ZNF141: variants seen among roughly 807,000 people sequenced by gnomAD.
ZNF141 encodes the protein zinc finger protein 141 (clone pHZ-44).
Under a neutral mutation model 11.3 loss-of-function variants are expected in ZNF141, and 7 were observed. The observed-to-expected ratio is 0.62, with a 90% CI of 0.35 to 1.16. The LOEUF is 1.16. ZNF141 is among the 50% of genes most tolerant of loss of function. The pLI is 0.02. For synonymous variants in ZNF141, 183 were observed against 190.7 expected, an observed-to-expected ratio of 0.96 and a Z score of 0.33; for missense variants, 535 against 554.0, an observed-to-expected ratio of 0.97 and a Z score of 0.34.
chr4:364,880 G>A (rs573246049), intron 3 of ZNF141, among the ~76,000 whole-genome samples: 3 of 151,210 alleles, frequency 2.0e-5, no homozygotes, highest in Non-Finnish European at 2.9e-5. Context: ...CATACAGGAC[G>A]ATTAAATCTG....
chr4:344,499 T>G, intron 3 of ZNF141, 69 bp downstream of exon 3: 1 of 1,418,844 alleles, frequency 7.0e-7, no homozygotes, highest in African/African-American at 1.4e-5. Context: ...AGCCAGGCCT[T>G]AAAATGTGGT....
In ZNF141 at chr4:373,914, AC is replaced by A; in HGVS notation, c.*54del. On this transcript the variant is annotated 3_prime_UTR_variant, in exon 4 of 4. Transcript: ENST00000240499. ...TGGCAAACCTTTGGATGATCCACAA[AC>A]CTTAATGAACATGAGAAAATTTATA... The A allele has an allele frequency of 6.9e-7, 1 of 1,458,132 alleles. No homozygotes were observed. 90.3% of individuals were successfully genotyped at this position (1,458,132 alleles called of 1,614,324 possible).
At position 382,208 on chromosome 4, in the gene ZNF141, AG is replaced by A. The variant is rs1250812119; in HGVS notation, c.*8347del. 6.6e-6 allele frequency among the ~76,000 whole-genome samples: 1 copy of A among 152,040 alleles called. No homozygotes were observed. The highest frequency in any genetic ancestry group is 6.5e-5 in the Admixed American group (1 of 15,272). ...TGATCCGCCTGCCTCAGCCTACCAA[AG>A]TGCTGGGATTACAGGCATGAGCCAC... is the stretch of plus-strand genomic sequence containing the variant. On this transcript the variant is annotated 3_prime_UTR_variant, in exon 4 of 4. Transcript: ENST00000240499.
At chr4:356,225 C>T (rs1317331647) in intron 3 of ZNF141, among the ~76,000 whole-genome samples, 3 of 124,032 alleles carry the variant, frequency 2.4e-5, no homozygotes, top group Non-Finnish European at 5.0e-5. Flanking sequence ...AGCAAGGCTC[C>T]GTCTCAAAAA....
Position 344,322 on chromosome 4 carries a change from T to A in ZNF141, c.131-13T>A, listed in dbSNP as rs200179613. Reference sequence around the variant, plus strand: ...TCAATAGTCATGTTATTATTTTTTTTAAAATAAAACAGGTGTTGCTATCTC... The same window carrying A: ...TCAATAGTCATGTTATTATTTTTTTAAAAATAAAACAGGTGTTGCTATCTC... On this transcript the variant is annotated splice_polypyrimidine_tract_variant and intron_variant, in intron 2 of 3. Coordinates refer to ENST00000240499, the MANE Select transcript of ZNF141 (RefSeq NM_003441.4). 3.0e-5 allele frequency: 48 copies of A among 1,598,736 alleles called. No homozygotes were observed. The highest frequency in any genetic ancestry group is 1.2e-4 in the Admixed American group (7 of 59,646).
In ZNF141 at chr4:372,837, A is replaced by G; in HGVS notation, c.400A>G (p.Asn134Asp). ...KLQKGGYNEF[N>D]ECLSTTQSKI... ...GCAGAAAGGAGGTTATAATGAATTT[A>G]ATGAATGCTTGTCAACTACCCAGAG... is the stretch of plus-strand genomic sequence containing the variant. Residue 134 changes from asparagine (N) to aspartate (D), a missense_variant, in exon 4 of 4, where the codon AAT (asparagine) becomes GAT (aspartate). Physicochemically the swap from Asn to Asp is conservative, Grantham distance 23 (BLOSUM62 1). Transcript: ENST00000240499. 6.2e-7 allele frequency: 1 copy of G among 1,613,106 alleles called. No individual in the cohort carries two copies. Among genetic ancestry groups the G allele is most frequent in the East Asian group, 2.2e-5 (1 of 44,840 alleles).
intron 3 of ZNF141, among the ~76,000 whole-genome samples, chr4:365,228 C>T (rs2108718098): frequency 6.6e-6 from 1 of 152,358 alleles, no homozygotes; most frequent in South Asian, 2.1e-4. Context: ...TTTCCAGATA[C>T]AGTCTGTCAC....
In ZNF141 at chr4:375,126, A is replaced by G. The variant is rs1006567560; in HGVS notation, c.*1264A>G. The G allele has an allele frequency of 2.0e-5, 3 of 152,130 alleles. No homozygotes were observed. Among genetic ancestry groups the G allele is most frequent in the Non-Finnish European group, 4.4e-5 (3 of 67,976 alleles). The allele number at this position is 152,130 out of a possible 1,614,324, so 9.4% of individuals were successfully genotyped here. ...GAAATATAAAAAATATAGAAAAGTC[A>G]TATCTCCTCACATTTTACTAACTAG... On this transcript the variant is annotated 3_prime_UTR_variant, in exon 4 of 4. Coordinates refer to ENST00000240499, the MANE Select transcript of ZNF141 (RefSeq NM_003441.4).
In ZNF141 at chr4:372,779, AAAAGGCTGT is replaced by A. The variant is rs781815013; in HGVS notation, c.346_354del (p.Gly116_Lys118del). On this transcript the variant is annotated inframe_deletion, in exon 4 of 4. Transcript: ENST00000240499. ...GTGGACATGATAATTTACAATTAAG[AAAAGGCTGT>A]AAAAGTTTGAATGAGTGTAAGTTGC... 1.8e-4 allele frequency: 285 copies of A among 1,613,748 alleles called. 1 individual carries two copies. Among genetic ancestry groups the A allele is most frequent in the Non-Finnish European group, 2.4e-4 (278 of 1,179,878 alleles).
Position 373,446 on chromosome 4 carries a change from A to C in ZNF141, c.1009A>C (p.Lys337Gln). The change falls in exon 4 of 4, where the codon AAA becomes CAA. Residue 337 changes from lysine to glutamine, a missense_variant. Transcript: ENST00000240499. ...TKHKRIHTGE[K>Q]PYTCEECGKA... is the part of the protein sequence containing the mutation. ...ACATAAGAGAATTCATACTGGAGAGAAACCCTACACATGTGAAGAATGTGG... is the reference window on the plus strand; with the variant it reads ...ACATAAGAGAATTCATACTGGAGAGCAACCCTACACATGTGAAGAATGTGG... 1.2e-6 allele frequency: 2 copies of C among 1,614,158 alleles called. No individual in the cohort carries two copies. The highest frequency in any genetic ancestry group is 1.7e-6 in the Non-Finnish European group (2 of 1,180,026).
chr4:373,694 A>G lies in ZNF141; in HGVS notation c.1257A>G (p.Ala419=), dbSNP rs1553854102. Residue 419 remains alanine (A), a synonymous_variant, in exon 4 of 4, where the codon GCA becomes GCG. Coordinates refer to ENST00000240499, the MANE Select transcript of ZNF141 (RefSeq NM_003441.4). ...GTCAACATAAGAAAATTCATAGTGC[A>G]GATAAACCCTACAAATGTAAAGAAT... ...DRSQHKKIHS[A]DKPYKCKECD... is the part of the protein sequence containing the mutation. 1 of 1,614,170 alleles carries G rather than the reference A, an allele frequency of 6.2e-7. No homozygotes were observed. Among genetic ancestry groups the G allele is most frequent in the East Asian group, 2.2e-5 (1 of 44,880 alleles).
rs782777606 is a variant in ZNF141, at chr4:373,302, A to G, written c.865A>G (p.Arg289Gly). ...GEKPITCEEC[R>G]KIFTSSSNFA... is the part of the protein sequence containing the mutation. Reference sequence around the variant, plus strand: ...GAAACCCATCACATGTGAAGAATGTAGGAAAATCTTTACCTCATCCTCAAA... The same window carrying G: ...GAAACCCATCACATGTGAAGAATGTGGGAAAATCTTTACCTCATCCTCAAA... The change falls in exon 4 of 4, where the codon AGG (arginine) becomes GGG (glycine). Residue 289 changes from arginine (R) to glycine (G), a missense_variant. Physicochemically the swap from Arg to Gly is moderately radical, Grantham distance 125. Transcript: ENST00000240499. The G allele has an allele frequency of 4.3e-6, 7 of 1,613,100 alleles. No homozygotes were observed. The highest frequency in any genetic ancestry group is 1.1e-5 in the South Asian group (1 of 91,044).
rs1712500966 is a variant in ZNF141, at chr4:379,094, C to T, written c.*5232C>T. On this transcript the variant is annotated 3_prime_UTR_variant, in exon 4 of 4. Transcript: ENST00000240499. ...TCCTGTCCTCGTGATCCACGCACGT[C>T]AGCCTCCCAAAGTGCTGGGATTACC... Among the ~76,000 whole-genome samples the T allele has an allele frequency of 6.6e-6, 1 of 151,966 alleles. No individual in the cohort carries two copies. Among genetic ancestry groups the T allele is most frequent in the Non-Finnish European group, 1.5e-5 (1 of 67,978 alleles).
chr4:338,765 G>T (rs1432136218), intron 1 of ZNF141, among the ~76,000 whole-genome samples: 3 of 152,218 alleles, frequency 2.0e-5, no homozygotes, highest in African/African-American at 7.2e-5. Flanking sequence ...TGTGGGGTCT[G>T]TGCTGACTCC....
At position 381,946 on chromosome 4, in the gene ZNF141, C is replaced by CTTT. The variant is rs34905613; in HGVS notation, c.*8101_*8103dup. On this transcript the variant is annotated 3_prime_UTR_variant, in exon 4 of 4. Transcript: ENST00000240499. ...CTAGGGCCACCACCATCTCTGGGAACTTTTTTTTTTTTTTTTTTTGAGACG... is the reference window on the plus strand; with the variant it reads ...CTAGGGCCACCACCATCTCTGGGAACTTTTTTTTTTTTTTTTTTTTTTGAGACG... 7.0e-3 allele frequency among the ~76,000 whole-genome samples: 745 copies of CTTT among 105,910 alleles called. 61 individuals are homozygous for CTTT. Among genetic ancestry groups the CTTT allele is most frequent in the South Asian group, 0.058 (179 of 3,090 alleles). 69.5% of individuals were successfully genotyped at this position (105,910 alleles called of 152,430 possible).
chr4:342,947 G>C, intron 1 of ZNF141: 1 of 1,533,662 alleles, frequency 6.5e-7, no homozygotes, highest in East Asian at 2.3e-5. Context: ...ATTATCTCCT[G>C]ATCCAAGGCT....
rs1581639661 is a variant in ZNF141, at chr4:383,338, GT to G, written c.*9478del. On this transcript the variant is annotated 3_prime_UTR_variant, in exon 4 of 4. Coordinates refer to ENST00000240499, the MANE Select transcript of ZNF141 (RefSeq NM_003441.4). ...TAGTATGTTTCGGGATTGTTATGCA[GT>G]TATAAGTTAGTAATATATACACCCA... 3.5e-6 allele frequency: 2 copies of G among 572,744 alleles called. No individual in the cohort carries two copies. The highest frequency in any genetic ancestry group is 5.7e-5 in the East Asian group (2 of 34,868). 35.5% of individuals were successfully genotyped at this position (572,744 alleles called of 1,614,324 possible).
At chr4:341,107 C>T (rs535622253) in intron 1 of ZNF141, among the ~76,000 whole-genome samples, 12 of 150,896 alleles carry the variant, frequency 8.0e-5, no homozygotes, top group East Asian at 5.8e-4. Flanking sequence ...CTCGCTCTGT[C>T]GCCAGGCTGG....
intron 3 of ZNF141, among the ~76,000 whole-genome samples, chr4:345,897 G>A (rs190769029): frequency 5.3e-4 from 81 of 152,204 alleles, no homozygotes; most frequent in Middle Eastern, 6.8e-3. Flanking sequence ...AAGCATAAAT[G>A]TGCTATGTCA....
Sources: allele counts gnomAD v4.1 joint callset (sites outside exome capture counted in the v4.1 genomes callset), GRCh38; gene constraint gnomAD v4.1.1; transcripts MANE v1.5; gene names NCBI Gene and HGNC (gene_info 2026-07-23, HGNC 2026-07-21).